Variants in ASXL3 observed in about 807,000 individuals in gnomAD.
The protein encoded by ASXL3 is putative Polycomb group protein ASXL3.
A neutral mutation model predicts 170.6 loss-of-function variants in ASXL3; 34 were observed. That is an observed-to-expected ratio of 0.20 (90% CI 0.15 to 0.27). The LOEUF (loss-of-function observed/expected upper bound fraction) is 0.27. ASXL3 is among the 10% of genes least tolerant of loss of function. The pLI, the probability that ASXL3 is intolerant of heterozygous loss-of-function variation, is 1.00. For synonymous variants in ASXL3, 1,002 were observed against 989.1 expected, an observed-to-expected ratio of 1.01 and a Z score of -0.24; for missense variants, 2,592 against 2,695.3, an observed-to-expected ratio of 0.96 and a Z score of 0.85.
chr18:33,629,578 A>G (rs1430841430), intron 2 of ASXL3, among the ~76,000 whole-genome samples: 1 of 152,044 alleles, frequency 6.6e-6, no homozygotes, highest in African/African-American at 2.4e-5. Flanking sequence ...TTCTTGAACT[A>G]CTACCTTGGC....
chr18:33,695,194 A>G (rs758754598), intron 8 of ASXL3, among the ~76,000 whole-genome samples: 2 of 152,190 alleles, frequency 1.3e-5, no homozygotes, highest in African/African-American at 4.8e-5. Context: ...AAAGTATTAA[A>G]TATATGAAAA....
At chr18:33,663,698 C>A (rs1395503680) in intron 5 of ASXL3, among the ~76,000 whole-genome samples, 3 of 151,918 alleles carry the variant, frequency 2.0e-5, no homozygotes, top group African/African-American at 7.3e-5. Flanking sequence ...AGCAAATATG[C>A]TAATATTTGA....
Position 33,743,404 on chromosome 18 carries a change from C to G in ASXL3, c.3556C>G (p.Leu1186Val). The change falls in exon 12 of 12, where the codon CTT (leucine) becomes GTT (valine). Residue 1186 changes from leucine to valine, a missense_variant. Physicochemically the swap from Leu to Val is conservative, Grantham distance 32 (BLOSUM62 1). Coordinates refer to ENST00000269197, the MANE Select transcript of ASXL3 (RefSeq NM_030632.3). ...GACCACCACTGTACTACAGCAGTCT[C>G]TTAACCCAAGTAAACTTCCAGAAAC... ...RETTTVLQQS[L>V]NPSKLPETAT... is the part of the protein sequence containing the mutation. The G allele has an allele frequency of 6.2e-7, 1 of 1,613,340 alleles. No homozygotes were observed. Among genetic ancestry groups the G allele is most frequent in the Non-Finnish European group, 8.5e-7 (1 of 1,179,858 alleles).
At chr18:33,622,157 T>C (rs1215158296) in intron 2 of ASXL3, among the ~76,000 whole-genome samples, 2 of 152,142 alleles carry the variant, frequency 1.3e-5, no homozygotes, top group African/African-American at 2.4e-5. Context: ...TCAAATGCAG[T>C]ATATAATATA....
rs1288829211 is a variant in ASXL3 at position 33,739,586 on chromosome 18, ACTT to A, written c.2187_2189del (p.Ser730del). The A allele has an allele frequency of 2.5e-6, 4 of 1,613,862 alleles. No homozygotes were observed. In the East Asian group the frequency reaches 6.7e-5, roughly 27 times the overall value. On this transcript the variant is annotated inframe_deletion, in exon 11 of 12. Transcript: ENST00000269197. ...GTCTGACTTACCTTTAACATCAGAA[ACTT>A]CTTCAGTGTCTTCCATGCTTCTCAC... is the stretch of plus-strand genomic sequence containing the variant.
At chr18:33,714,913 C>T (rs4578742) in intron 8 of ASXL3, among the ~76,000 whole-genome samples, 1 of 152,062 alleles carries the variant, frequency 6.6e-6, no homozygotes, top group Non-Finnish European at 1.5e-5. Context: ...TTCTTGTGGA[C>T]TGGTTTAATT....
Position 33,739,459 on chromosome 18 carries a change from T to C in ASXL3, c.2055T>C (p.Thr685=). 1 of 1,613,988 alleles carries C rather than the reference T, an allele frequency of 6.2e-7. No individual in the cohort carries two copies. Among genetic ancestry groups the C allele is most frequent in the Non-Finnish European group, 8.5e-7 (1 of 1,179,882 alleles). Residue 685 remains threonine, a synonymous_variant, in exon 11 of 12, where the codon ACT becomes ACC. Transcript: ENST00000269197. The part of the protein sequence containing the change: ...SLMSEISPIS[T]SPEISEASLM... ...TGTCAGAAATATCTCCAATATCCAC[T>C]TCACCTGAAATATCAGAAGCATCTC...
At chr18:33,703,357 G>A (rs1305015929) in intron 8 of ASXL3, among the ~76,000 whole-genome samples, 2 of 152,088 alleles carry the variant, frequency 1.3e-5, no homozygotes, top group Non-Finnish European at 2.9e-5. Flanking sequence ...TGCTTTAGTA[G>A]CAGAGCATTG....
intron 1 of ASXL3, among the ~76,000 whole-genome samples, chr18:33,601,115 G>A (rs1033563940): frequency 6.6e-6 from 1 of 152,108 alleles, no homozygotes; most frequent in African/African-American, 2.4e-5. Flanking sequence ...GTCAGGCAAC[G>A]AGGGATGAGA....
intron 1 of ASXL3, among the ~76,000 whole-genome samples, chr18:33,588,826 T>G (rs1180644558): frequency 6.6e-6 from 1 of 152,078 alleles, no homozygotes; most frequent in Non-Finnish European, 1.5e-5. Context: ...TCTTTCCCAC[T>G]CCCATCAAGT....
At position 33,590,111 on chromosome 18, in the gene ASXL3, G is replaced by GTTTTTTT. The variant is rs567969303; in HGVS notation, c.54+11439_54+11445dup. On this transcript the variant is annotated intron_variant, in intron 1 of 11. Transcript: ENST00000269197. ...TGTCGTCAAGGTATTTGCTTTCTAT[G>GTTTTTTT]TTTTTTTTTTTTTTTTTTTGCTTTG... 2.3e-3 allele frequency among the ~76,000 whole-genome samples: 194 copies of GTTTTTTT among 83,130 alleles called. 10 individuals are homozygous for GTTTTTTT. Among genetic ancestry groups the GTTTTTTT allele is most frequent in the African/African-American group, 0.012 (175 of 14,506 alleles). The allele number at this position is 83,130 out of a possible 152,430, so 54.5% of individuals were successfully genotyped here.
intron 8 of ASXL3, among the ~76,000 whole-genome samples, chr18:33,703,819 G>C (rs2066917639): frequency 1.3e-5 from 2 of 152,054 alleles, no homozygotes; most frequent in African/African-American, 2.4e-5. Context: ...TTGAATAACT[G>C]TTTCTTCATT....
At chr18:33,586,901 G>A (rs917639974) in intron 1 of ASXL3, among the ~76,000 whole-genome samples, 32 of 152,136 alleles carry the variant, frequency 2.1e-4, no homozygotes, top group African/African-American at 7.5e-4. Flanking sequence ...CTGTCTATTA[G>A]GGGATTATCT....
At chr18:33,654,133 T>C (rs2066046009) in intron 4 of ASXL3, among the ~76,000 whole-genome samples, 1 of 152,074 alleles carries the variant, frequency 6.6e-6, no homozygotes, top group Middle Eastern at 3.2e-3. Flanking sequence ...TTAAGCATAC[T>C]TTCATCTCTC....
At chr18:33,581,032 G>A (rs1378540811) in intron 1 of ASXL3, among the ~76,000 whole-genome samples, 3 of 151,820 alleles carry the variant, frequency 2.0e-5, no homozygotes, top group African/African-American at 7.3e-5. Context: ...TTTGGTTAAC[G>A]GTGATAACTG....
chr18:33,736,244 G>T (rs1244152021), intron 10 of ASXL3, among the ~76,000 whole-genome samples: 1 of 151,848 alleles, frequency 6.6e-6, no homozygotes, highest in Admixed American at 6.6e-5. Flanking sequence ...TCAGATCTAG[G>T]GCCCCTTCCC....
At chr18:33,678,077 ATTATTTATTTATTTAT>A (rs140094203) in intron 7 of ASXL3, among the ~76,000 whole-genome samples, 2,008 of 149,274 alleles carry the variant, frequency 0.013, 42 homozygotes, top group South Asian at 0.1. Flanking sequence ...TTATGTATTT[ATTATTTATTTATTTAT>A]TTATTTATTT....
chr18:33,713,588 G>A (rs959990638), intron 8 of ASXL3, among the ~76,000 whole-genome samples: 1 of 151,970 alleles, frequency 6.6e-6, no homozygotes, highest in Non-Finnish European at 1.5e-5. Flanking sequence ...TCAAATATAT[G>A]TCATATATTA....
chr18:33,579,562 G>A (rs2064975843), intron 1 of ASXL3, among the ~76,000 whole-genome samples: 1 of 152,046 alleles, frequency 6.6e-6, no homozygotes, highest in Non-Finnish European at 1.5e-5. Context: ...GAGGGGCGTC[G>A]GCGTCTTTGG....
Sources: gnomAD v4.1 joint callset for allele counts (sites outside exome capture counted in the v4.1 genomes callset) on GRCh38, gnomAD v4.1.1 for gene constraint, MANE v1.5 for transcripts, NCBI Gene and HGNC (gene_info 2026-07-23, HGNC 2026-07-21) for gene names.